The following DAB2 variants were observed in gnomAD, a reference collection of about 807,000 sequenced individuals.
The protein encoded by DAB2 is disabled homolog 2.
A neutral mutation model predicts 71.6 loss-of-function variants in DAB2; 28 were observed. That is an observed-to-expected ratio of 0.39 (90% CI 0.29 to 0.54). DAB2 has a LOEUF of 0.54. DAB2 is among the 20% of genes least tolerant of loss of function. The probability of loss-of-function intolerance (pLI) is 0.68; values close to 1 mark genes in which losing one functional copy is unlikely to be tolerated. For synonymous variants in DAB2, 345 were observed against 339.7 expected, an observed-to-expected ratio of 1.02 and a Z score of -0.17; for missense variants, 867 against 928.8, an observed-to-expected ratio of 0.93 and a Z score of 0.86.
chr5:39,410,806 TA>T (rs5867464), intron 1 of DAB2, among the ~76,000 whole-genome samples: 3 of 150,064 alleles, frequency 2.0e-5, no homozygotes, highest in African/African-American at 7.3e-5. Context: ...CTAACCTGCT[TA>T]AAAAAAAAAC....
chr5:39,390,991 T>C (rs750894441), intron 4 of DAB2, among the ~76,000 whole-genome samples: 8 of 152,208 alleles, frequency 5.3e-5, no homozygotes, highest in African/African-American at 1.4e-4. Context: ...CAGGGATTCA[T>C]TGACGATGGC....
chr5:39,388,435 A>T, intron 8 of DAB2, 68 bp from the exon 9 acceptor site: 1 of 1,107,240 alleles, frequency 9.0e-7, no homozygotes, highest in Non-Finnish European at 1.4e-6. Flanking sequence ...TATTGTAATC[A>T]TTTGTTTCCT....
chr5:39,387,876 G>T (rs1316657097), intron 9 of DAB2: 1 of 155,246 alleles, frequency 6.4e-6, no homozygotes, highest in African/African-American at 2.4e-5. Flanking sequence ...TGAGCCACTT[G>T]TTTGTTTTAA....
intron 5 of DAB2, 87 bp from the exon 6 acceptor site, chr5:39,390,019 A>AT (rs34356831): frequency 0.23 from 205,029 of 876,124 alleles, 16,135 homozygotes; most frequent in South Asian, 0.26. Context: ...TCATACTGGG[A>AT]TTTTTTTTTT....
intron 1 of DAB2, among the ~76,000 whole-genome samples, chr5:39,405,437 T>C (rs1463343815): frequency 1.3e-5 from 2 of 152,202 alleles, no homozygotes; most frequent in African/African-American, 4.8e-5. Flanking sequence ...ACATTGAAAC[T>C]TCAGGGAAAC....
At chr5:39,415,259 T>C (rs1020990549) in intron 1 of DAB2, among the ~76,000 whole-genome samples, 1 of 152,128 alleles carries the variant, frequency 6.6e-6, no homozygotes, top group Non-Finnish European at 1.5e-5. Context: ...CGTTACAATC[T>C]GAAGGACCAT....
intron 10 of DAB2, 63 bp from the exon 11 acceptor site, chr5:39,381,679 T>TTTTGTCTCC: frequency 3.8e-6 from 6 of 1,585,948 alleles, no homozygotes; most frequent in Non-Finnish European, 5.2e-6. Flanking sequence ...TACAGCCTCA[T>TTTTGTCTCC]TTTGTCTCCT....
Position 39,371,837 on chromosome 5 carries a change from T to A in DAB2, c.*1594A>T, listed in dbSNP as rs1290708662. ...ATAGTTACCTCCAGTTTAGCACATTTAGGTATTTGGACATTTAAAGTACTA... is the reference window on the plus strand; with the variant it reads ...ATAGTTACCTCCAGTTTAGCACATTAAGGTATTTGGACATTTAAAGTACTA... On this transcript the variant is annotated 3_prime_UTR_variant, in exon 15 of 15. Coordinates refer to ENST00000320816, the MANE Select transcript of DAB2 (RefSeq NM_001343.4). 1 of 152,210 alleles carries A rather than the reference T, an allele frequency of 6.6e-6. No homozygotes were observed. The highest frequency in any genetic ancestry group is 1.9e-4 in the East Asian group (1 of 5,200). The allele number at this position is 152,210 out of a possible 1,614,324, so 9.4% of individuals were successfully genotyped here.
intron 2 of DAB2, among the ~76,000 whole-genome samples, chr5:39,394,027 G>A (rs75534002): frequency 0.015 from 2,264 of 152,184 alleles, 44 homozygotes; most frequent in African/African-American, 0.052. Flanking sequence ...GGGTATAATC[G>A]CAGGTTTCCA....
intron 4 of DAB2, among the ~76,000 whole-genome samples, chr5:39,391,392 T>C (rs1162541815): frequency 1.3e-5 from 2 of 152,136 alleles, no homozygotes; most frequent in African/African-American, 4.8e-5. Flanking sequence ...GAGAGAAACA[T>C]GCCACCTTTC....
chr5:39,390,293 T>C, intron 5 of DAB2, 151 bp downstream of exon 5: 1 of 1,003,100 alleles, frequency 1.0e-6, no homozygotes, highest in South Asian at 1.8e-5. Context: ...TTTTAAAAGA[T>C]TCCATAGGCC....
intron 11 of DAB2, among the ~76,000 whole-genome samples, chr5:39,379,265 C>T (rs867060781): frequency 6.6e-6 from 1 of 152,034 alleles, no homozygotes. Flanking sequence ...ACCAACCTGG[C>T]CAACGTGGCG....
chr5:39,390,697 A>G, intron 4 of DAB2, 122 bp from the exon 5 acceptor site: 1 of 642,016 alleles, frequency 1.6e-6, no homozygotes, highest in Non-Finnish European at 2.5e-6. Flanking sequence ...ATTTGAAGAT[A>G]GACTTTTCAT....
intron 9 of DAB2, 196 bp downstream of exon 9, chr5:39,388,109 T>C: frequency 1.8e-6 from 1 of 543,114 alleles, no homozygotes; most frequent in Non-Finnish European, 3.3e-6. Context: ...GCAATATTAA[T>C]ATAACTGAAT....
chr5:39,375,466 T>A (rs1482531772), intron 13 of DAB2, among the ~76,000 whole-genome samples: 1 of 152,206 alleles, frequency 6.6e-6, no homozygotes, highest in East Asian at 1.9e-4. Context: ...GTTTTCTATG[T>A]GATATTATTT....
Position 39,394,297 on chromosome 5 carries a change from A to C in DAB2, c.24T>G (p.Ser8Arg). 6.2e-7 allele frequency: 1 copy of C among 1,614,034 alleles called. No individual in the cohort carries two copies. The highest frequency in any genetic ancestry group is 8.5e-7 in the Non-Finnish European group (1 of 1,179,996). ...GTTGGTCGGGCTGACCATTGGTTGC[A>C]CTTGTTTCTACTTCGTTAGACATGG... MSNEVET[S>R]ATNGQPDQQA... Residue 8 changes from serine (S) to arginine (R), a missense_variant, in exon 2 of 15, where the codon AGT becomes AGG. Ser to Arg is a moderately radical substitution (Grantham distance 110, BLOSUM62 -1). Around this residue, in one of 2 missense-constraint regions of DAB2, gnomAD observed 127 missense variants for 194.4 expected, o/e 0.65. Coordinates refer to ENST00000320816, the MANE Select transcript of DAB2 (RefSeq NM_001343.4).
chr5:39,383,649 T>C (rs138400402), intron 9 of DAB2, among the ~76,000 whole-genome samples: 193 of 152,304 alleles, frequency 1.3e-3, no homozygotes, highest in African/African-American at 4.3e-3. Flanking sequence ...TCACTATAAA[T>C]GATTATCAAA....
At chr5:39,418,183 T>C (rs538270496) in intron 1 of DAB2, 4 of 152,366 alleles carry the variant, frequency 2.6e-5, no homozygotes, top group African/African-American at 9.6e-5. Context: ...GCACCTACTA[T>C]GTGTAGCCAC....
chr5:39,411,498 T>C (rs1199272009), intron 1 of DAB2, among the ~76,000 whole-genome samples: 1 of 152,202 alleles, frequency 6.6e-6, no homozygotes, highest in Non-Finnish European at 1.5e-5. Context: ...TGTATGCTTC[T>C]TACTATGGTC....
Sources: allele counts gnomAD v4.1 joint callset (sites outside exome capture counted in the v4.1 genomes callset), GRCh38; gene constraint gnomAD v4.1.1; regional missense constraint gnomAD v4.1.1; transcripts MANE v1.5; gene names NCBI Gene and HGNC (gene_info 2026-07-23, HGNC 2026-07-21).